SLC35F1: variants seen among roughly 807,000 people sequenced by gnomAD.
SLC35F1 encodes solute carrier family 35 member F1.
A neutral mutation model predicts 48.7 loss-of-function variants in SLC35F1; 14 were observed. The ratio of observed to expected loss-of-function variants is 0.29; its 90% CI spans 0.19 to 0.45. The LOEUF is 0.45. Ranked by LOEUF, SLC35F1 falls within the 20% of genes least tolerant of loss-of-function variation. The probability of loss-of-function intolerance (pLI) is 1.00; values close to 1 mark genes in which losing one functional copy is unlikely to be tolerated. For synonymous variants in SLC35F1, 190 were observed against 202.2 expected, an observed-to-expected ratio of 0.94 and a Z score of 0.51; for missense variants, 404 against 500.0, an observed-to-expected ratio of 0.81 and a Z score of 1.83.
chr6:118,304,380 AAAG>A lies in SLC35F1; in HGVS notation c.1003-9639_1003-9637del, dbSNP rs1554246546. 8.4e-5 allele frequency among the ~76,000 whole-genome samples: 7 copies of A among 83,472 alleles called. No individual in the cohort carries two copies. The South Asian group carries it at 2.8e-3, about 34-fold the overall frequency. 54.8% of individuals were successfully genotyped at this position (83,472 alleles called of 152,430 possible). A position where few individuals can be genotyped will look rare whatever the true frequency, so the allele number is the denominator to read the frequency against. The stretch of plus-strand genomic sequence containing the variant: ...AGACTTCATCTCTTAAAAAAAAAAA[AAAG>A]AAGAAGAAAAGAAAAGAAGAAGAAA... On this transcript the variant is annotated intron_variant, in intron 7 of 7. Transcript: ENST00000360388.
chr6:118,147,222 G>C (rs1376769055), intron 1 of SLC35F1, among the ~76,000 whole-genome samples: 1 of 152,126 alleles, frequency 6.6e-6, no homozygotes, highest in Non-Finnish European at 1.5e-5. Flanking sequence ...TTTCCTACTG[G>C]TCAGGTGCAG....
intron 1 of SLC35F1, among the ~76,000 whole-genome samples, chr6:117,981,906 A>G (rs1290124354): frequency 1.3e-5 from 2 of 152,150 alleles, no homozygotes; most frequent in East Asian, 1.9e-4. Context: ...ATTTTGGGGC[A>G]GGGAGAAATT....
At chr6:117,928,999 A>C (rs1170936172) in intron 1 of SLC35F1, among the ~76,000 whole-genome samples, 1 of 152,096 alleles carries the variant, frequency 6.6e-6, no homozygotes, top group African/African-American at 2.4e-5. Context: ...CAGGAAACCA[A>C]TCATCAGGCC....
chr6:117,999,701 G>A (rs1343234571), intron 1 of SLC35F1, among the ~76,000 whole-genome samples: 5 of 151,854 alleles, frequency 3.3e-5, no homozygotes, highest in Non-Finnish European at 5.9e-5. Flanking sequence ...TAGACCACTA[G>A]CAAGACTAAT....
chr6:117,946,917 G>C (rs185726500), intron 1 of SLC35F1, among the ~76,000 whole-genome samples: 2 of 152,318 alleles, frequency 1.3e-5, no homozygotes, highest in Admixed American at 6.5e-5. Flanking sequence ...TTTACTGAGT[G>C]CCTGCTCTGT....
At chr6:117,993,590 T>C (rs1776947659) in intron 1 of SLC35F1, among the ~76,000 whole-genome samples, 1 of 152,142 alleles carries the variant, frequency 6.6e-6, no homozygotes, top group African/African-American at 2.4e-5. Flanking sequence ...ACTAATCCTT[T>C]GAGAACTTTT....
intron 1 of SLC35F1, among the ~76,000 whole-genome samples, chr6:118,028,167 A>T (rs1271280125): frequency 6.6e-6 from 1 of 152,152 alleles, no homozygotes; most frequent in Non-Finnish European, 1.5e-5. Context: ...GTCCTGTTTT[A>T]TTCTGTTAAT....
At chr6:118,031,323 T>A (rs1772043243) in intron 1 of SLC35F1, among the ~76,000 whole-genome samples, 2 of 152,222 alleles carry the variant, frequency 1.3e-5, no homozygotes, top group Admixed American at 1.3e-4. Flanking sequence ...AGGGCAGGTA[T>A]GAGGTCTACT....
At chr6:117,965,546 G>A (rs943528532) in intron 1 of SLC35F1, among the ~76,000 whole-genome samples, 2 of 152,240 alleles carry the variant, frequency 1.3e-5, no homozygotes, top group East Asian at 1.9e-4. Context: ...AAGAGCACCC[G>A]TCCTCCCTCC....
chr6:118,018,183 C>T (rs760016878), intron 1 of SLC35F1, among the ~76,000 whole-genome samples: 41 of 152,022 alleles, frequency 2.7e-4, no homozygotes, highest in Non-Finnish European at 8.8e-5. Flanking sequence ...CCTGCCTGGC[C>T]AACATGGTGA....
intron 3 of SLC35F1, among the ~76,000 whole-genome samples, chr6:118,259,739 T>C (rs1775688842): frequency 6.6e-6 from 1 of 151,218 alleles, no homozygotes; most frequent in Non-Finnish European, 1.5e-5. Context: ...GTTGATAGGA[T>C]AAAGAGAAAC....
intron 3 of SLC35F1, among the ~76,000 whole-genome samples, chr6:118,244,539 G>A (rs1164006877): frequency 2.0e-5 from 3 of 152,274 alleles, no homozygotes; most frequent in Admixed American, 1.3e-4. Context: ...CCATTGGAAA[G>A]CAAGGGACGT....
At chr6:118,174,427 T>C (rs1432528039) in intron 2 of SLC35F1, among the ~76,000 whole-genome samples, 2 of 151,610 alleles carry the variant, frequency 1.3e-5, no homozygotes, top group Non-Finnish European at 2.9e-5. Flanking sequence ...GTAAAAGAAA[T>C]GAAGAATGTA....
chr6:117,980,006 A>G (rs1247852053), intron 1 of SLC35F1, among the ~76,000 whole-genome samples: 1 of 152,142 alleles, frequency 6.6e-6, no homozygotes, highest in East Asian at 1.9e-4. Flanking sequence ...CAGTTGTGAA[A>G]TTTCTTCTAC....
At chr6:118,151,617 G>C (rs902660759) in intron 1 of SLC35F1, among the ~76,000 whole-genome samples, 3 of 152,110 alleles carry the variant, frequency 2.0e-5, no homozygotes, top group African/African-American at 7.2e-5. Flanking sequence ...CCAAGCCCAA[G>C]CAATCCTCCT....
chr6:118,062,389 T>C (rs1772553729), intron 1 of SLC35F1, among the ~76,000 whole-genome samples: 1 of 152,212 alleles, frequency 6.6e-6, no homozygotes, highest in Admixed American at 6.5e-5. Context: ...TGTGGCTACA[T>C]AGTAGGTATA....
intron 1 of SLC35F1, among the ~76,000 whole-genome samples, chr6:118,074,332 C>A (rs1391622303): frequency 6.6e-6 from 1 of 152,112 alleles, no homozygotes; most frequent in Non-Finnish European, 1.5e-5. Context: ...TTTTTATGTT[C>A]CCAGCATGGA....
At chr6:118,246,117 A>G (rs1056490829) in intron 3 of SLC35F1, among the ~76,000 whole-genome samples, 1 of 152,128 alleles carries the variant, frequency 6.6e-6, no homozygotes, top group Non-Finnish European at 1.5e-5. Context: ...AACCTTTCAC[A>G]TTCTGGAAGA....
At chr6:118,094,554 TA>T (rs991280314) in intron 1 of SLC35F1, among the ~76,000 whole-genome samples, 4 of 152,106 alleles carry the variant, frequency 2.6e-5, no homozygotes, top group African/African-American at 7.2e-5. Context: ...GACCAAATTC[TA>T]AGACTCTTCC....
Sources: gnomAD v4.1 joint callset for allele counts (sites outside exome capture counted in the v4.1 genomes callset) on GRCh38, gnomAD v4.1.1 for gene constraint, MANE v1.5 for transcripts, NCBI Gene and HGNC (gene_info 2026-07-23, HGNC 2026-07-21) for gene names.